The following MYO1H variants were observed in gnomAD, a reference collection of about 807,000 sequenced individuals.
MYO1H encodes myosin IH.
Under a neutral mutation model 149.3 loss-of-function variants are expected in MYO1H, and 118 were observed. That is an observed-to-expected ratio of 0.79 (90% CI 0.68 to 0.92). MYO1H has a LOEUF of 0.92. Among genes scored for constraint, MYO1H ranks in the 40% least tolerant of loss-of-function variants. The pLI, the probability that MYO1H is intolerant of heterozygous loss-of-function variation, is 0.00. For missense variants in MYO1H, 1,212 were observed against 1,280.7 expected (o/e 0.95, Z 0.82); for synonymous variants, 447 against 465.2 (o/e 0.96, Z 0.50).
chr12:109,428,500 T>C (rs1871474690), intron 19 of MYO1H, among the ~76,000 whole-genome samples: 1 of 152,198 alleles, frequency 6.6e-6, no homozygotes, highest in African/African-American at 2.4e-5. Context: ...TCCCCCAAAT[T>C]GCTTATACAC....
intron 14 of MYO1H, among the ~76,000 whole-genome samples, chr12:109,413,371 T>C (rs79588704): frequency 0.015 from 2,262 of 152,288 alleles, 57 homozygotes; most frequent in African/African-American, 0.051. Flanking sequence ...AATGATGCCA[T>C]AAATTGCCTA....
At chr12:109,401,379 A>C (rs118057168) in intron 6 of MYO1H, 107 bp downstream of exon 6, 73 of 1,148,206 alleles carry the variant, frequency 6.4e-5, no homozygotes, top group Non-Finnish European at 8.5e-5. Flanking sequence ...CCATCCTGCT[A>C]TGTGTCCTAT....
intron 22 of MYO1H, among the ~76,000 whole-genome samples, chr12:109,438,158 A>ACC: frequency 6.6e-6 from 1 of 151,496 alleles, no homozygotes. Flanking sequence ...TTGCTTGTGT[A>ACC]CCCCAATTTT....
At chr12:109,369,188 A>G (rs1341838041) in intron 1 of MYO1H, among the ~76,000 whole-genome samples, 2 of 152,210 alleles carry the variant, frequency 1.3e-5, no homozygotes, top group East Asian at 3.9e-4. Flanking sequence ...GGGTTTCACC[A>G]TGTTGGCCAG....
chr12:109,334,063 C>T, the MYO1H span, among the ~76,000 whole-genome samples: 1 of 152,006 alleles, frequency 6.6e-6, no homozygotes, highest in Admixed American at 6.6e-5. Flanking sequence ...GTCGCCCAGG[C>T]CGGAGTACAG....
intron 1 of MYO1H, among the ~76,000 whole-genome samples, chr12:109,384,754 TC>T (rs1296484164): frequency 6.6e-5 from 10 of 152,172 alleles, no homozygotes; most frequent in African/African-American, 2.4e-4. Context: ...TCACATCAGT[TC>T]CTAGGCTGAC....
chr12:109,367,934 A>C (rs560353660), intron 1 of MYO1H, among the ~76,000 whole-genome samples: 1 of 152,054 alleles, frequency 6.6e-6, no homozygotes, highest in African/African-American at 2.4e-5. Flanking sequence ...GCTCACTGCA[A>C]CCTCAAACTT....
intron 1 of MYO1H, among the ~76,000 whole-genome samples, chr12:109,380,640 A>G (rs1209593709): frequency 6.6e-6 from 1 of 152,208 alleles, no homozygotes; most frequent in Admixed American, 6.5e-5. Context: ...GGGAGAAAAG[A>G]GAAGAGATAG....
At chr12:109,351,852 G>A (rs754423283) in intron 1 of MYO1H, among the ~76,000 whole-genome samples, 2 of 152,254 alleles carry the variant, frequency 1.3e-5, no homozygotes, top group Admixed American at 1.3e-4. Context: ...TTTAGTCTCT[G>A]CTTGGTAAAA....
chr12:109,364,196 A>G (rs1868816691), intron 1 of MYO1H, among the ~76,000 whole-genome samples: 2 of 150,586 alleles, frequency 1.3e-5, no homozygotes, highest in African/African-American at 2.5e-5. Flanking sequence ...AAAAAAAAAA[A>G]AAGAAGTGGG....
At chr12:109,367,212 C>T (rs1027119470) in intron 1 of MYO1H, among the ~76,000 whole-genome samples, 1 of 152,152 alleles carries the variant, frequency 6.6e-6, no homozygotes, top group Non-Finnish European at 1.5e-5. Context: ...AAAATATTCA[C>T]AGTGCATAGG....
intron 1 of MYO1H, among the ~76,000 whole-genome samples, chr12:109,363,596 C>T (rs1469455242): frequency 1.3e-5 from 2 of 152,040 alleles, no homozygotes; most frequent in African/African-American, 4.8e-5. Context: ...CCTGTAATCC[C>T]AGCTACTTGG....
At chr12:109,387,780 A>G (rs1226682849) in intron 1 of MYO1H, among the ~76,000 whole-genome samples, 10 of 151,752 alleles carry the variant, frequency 6.6e-5, no homozygotes, top group Admixed American at 6.6e-4. Context: ...GACATTACAC[A>G]CTCCAGGCTT....
chr12:109,443,034 G>GTATATA, intron 27 of MYO1H, among the ~76,000 whole-genome samples: 3 of 95,118 alleles, frequency 3.2e-5, no homozygotes, highest in Admixed American at 9.6e-5. Flanking sequence ...ATATATGTGT[G>GTATATA]TGTGTGTGTG....
At chr12:109,420,684 G>T (rs1337011182) in intron 15 of MYO1H, among the ~76,000 whole-genome samples, 1 of 152,014 alleles carries the variant, frequency 6.6e-6, no homozygotes, top group African/African-American at 2.4e-5. Context: ...TTGGGCGAGG[G>T]CACAGACCCA....
chr12:109,381,998 A>C (rs1869214409), intron 1 of MYO1H, among the ~76,000 whole-genome samples: 1 of 152,232 alleles, frequency 6.6e-6, no homozygotes, highest in Admixed American at 6.5e-5. Context: ...AAACTGTACC[A>C]CAGGGCAACC....
intron 15 of MYO1H, among the ~76,000 whole-genome samples, chr12:109,420,752 T>C (rs1255316232): frequency 6.6e-6 from 1 of 152,108 alleles, no homozygotes; most frequent in African/African-American, 2.4e-5. Context: ...GTTACTGGGA[T>C]CTAGTGTGAA....
rs187538521 is a variant in MYO1H at position 109,412,320 on chromosome 12, G to A, written c.1502+335G>A. Among the ~76,000 whole-genome samples the A allele has an allele frequency of 3.7e-3, 570 of 152,172 alleles. 6 individuals are homozygous for A. Among genetic ancestry groups the A allele is most frequent in the African/African-American group, 0.013 (541 of 41,514 alleles). On this transcript the variant is annotated intron_variant, in intron 14 of 31. Transcript: ENST00000310903. Reference sequence around the variant, plus strand: ...CTACAAACATACACCACAATGCCTGGCTAATTTTTATATTTTTTGTAAAGA... The same window carrying A: ...CTACAAACATACACCACAATGCCTGACTAATTTTTATATTTTTTGTAAAGA...
chr12:109,447,883 A>G (rs565388781), exon 32 of MYO1H: 1 of 152,660 alleles, frequency 6.6e-6, no homozygotes, highest in Non-Finnish European at 1.5e-5. Context: ...ATTTTATTGT[A>G]AAATAAAAAT....
Sources: allele counts gnomAD v4.1 joint callset (sites outside exome capture counted in the v4.1 genomes callset), GRCh38; gene constraint gnomAD v4.1.1; transcripts MANE v1.5; gene names NCBI Gene and HGNC (gene_info 2026-07-23, HGNC 2026-07-21).